Variants in CUL9 observed in about 807,000 individuals in gnomAD.
The protein encoded by CUL9 is cullin-9.
In CUL9, 79 loss-of-function variants were observed where a neutral mutation model predicts 272.6. That is an observed-to-expected ratio of 0.29 (90% confidence interval 0.24 to 0.35). The LOEUF (loss-of-function observed/expected upper bound fraction) is 0.35. Among genes scored for constraint, CUL9 ranks in the 10% least tolerant of loss-of-function variants. The pLI, the probability that CUL9 is intolerant of heterozygous loss-of-function variation, is 1.00. For synonymous variants in CUL9, 1,186 were observed against 1,286.5 expected (o/e 0.92, Z 1.67); for missense variants, 2,532 against 3,255.6 (o/e 0.78, Z 5.41).
At chr6:43,201,076 G>A (rs1249210922) in intron 16 of CUL9, among the ~76,000 whole-genome samples, 2 of 152,218 alleles carry the variant, frequency 1.3e-5, no homozygotes, top group Non-Finnish European at 2.9e-5. Flanking sequence ...TAGTGTTGAG[G>A]GAGATAAACA....
rs1775023982 is a variant in CUL9 at position 43,206,094 on chromosome 6, C to T, written c.4881C>T (p.Asn1627=). The T allele has an allele frequency of 2.5e-6, 4 of 1,614,078 alleles. No homozygotes were observed. Among genetic ancestry groups the T allele is most frequent in the Admixed American group, 1.7e-5 (1 of 60,006 alleles). The change falls in exon 25 of 41, where the codon AAC becomes AAT. Residue 1627 remains asparagine, a synonymous_variant. Coordinates refer to ENST00000252050, the MANE Select transcript of CUL9 (RefSeq NM_015089.4). The surrounding 1 kb of genome is among the most constrained non-coding windows in gnomAD (Gnocchi z 4.8). ...AGCAGATTGGCCTCTGTTTTCCCAA[C>T]CGCCTCCCACAGCTGATGCTGCAGA... The part of the protein sequence containing the change: ...VLEQIGLCFP[N]RLPQLMLQSL...
Position 43,190,178 on chromosome 6 carries a change from A to G in CUL9, c.2180+1463A>G, listed in dbSNP as rs145186711. Among the ~76,000 whole-genome samples, 332 of 152,260 alleles carry G rather than the reference A, an allele frequency of 2.2e-3. 1 individual carries two copies. The highest frequency in any genetic ancestry group is 7.3e-3 in the African/African-American group (305 of 41,546). On this transcript the variant is annotated intron_variant, in intron 8 of 40. Transcript: ENST00000252050. ...CGTCTGTTTTTCCTTACGTCTGCCA[A>G]CACTGAATATTGTCGTCTTTTTTAA...
chr6:43,223,419 T>C lies in CUL9; in HGVS notation c.7284+22T>C. 6.4e-7 allele frequency: 1 copy of C among 1,574,442 alleles called. No individual in the cohort carries two copies. The highest frequency in any genetic ancestry group is 8.6e-7 in the Non-Finnish European group (1 of 1,156,902). On this transcript the variant is annotated intron_variant, in intron 39 of 40. Coordinates refer to ENST00000252050, the MANE Select transcript of CUL9 (RefSeq NM_015089.4). This position sits in a 1 kb window ranked among gnomAD's most constrained non-coding sequence, Gnocchi z 4.1. The stretch of plus-strand genomic sequence containing the variant: ...CCAGGTACTGCCCGGCCCAGACCCC[T>C]TCTGCTCCTGCATTCTGCGGGAGTT...
chr6:43,202,884 G>T, intron 17 of CUL9, 63 bp downstream of exon 17: 1 of 1,495,310 alleles, frequency 6.7e-7, no homozygotes, highest in South Asian at 1.1e-5. Flanking sequence ...CAGTGCCTGT[G>T]GGAAGGACCT....
rs1774578495 is a variant in CUL9 at position 43,201,686 on chromosome 6, A to G, written c.3647+852A>G. 2.0e-5 allele frequency among the ~76,000 whole-genome samples: 3 copies of G among 152,104 alleles called. 1 individual carries two copies. Among genetic ancestry groups the G allele is most frequent in the Admixed American group, 2.0e-4 (3 of 15,260 alleles). On this transcript the variant is annotated intron_variant, in intron 16 of 40. Coordinates refer to ENST00000252050, the MANE Select transcript of CUL9 (RefSeq NM_015089.4). ...AGTAGAGACGGGGTTTCACCGTGTT[A>G]GTCAGGATGGTCTCGATCTCCTGAC...
In CUL9 at chr6:43,203,187, A is replaced by G. The variant is rs750847426; in HGVS notation, c.3832A>G (p.Ile1278Val). The G allele has an allele frequency of 2.4e-5, 38 of 1,614,152 alleles. No individual in the cohort carries two copies. Among genetic ancestry groups the G allele is most frequent in the Non-Finnish European group, 3.2e-5 (38 of 1,180,020 alleles). Residue 1278 changes from isoleucine (I) to valine (V), a missense_variant, in exon 18 of 41, where the codon ATA (isoleucine) becomes GTA (valine). Ile to Val is a conservative substitution (Grantham distance 29). Coordinates refer to ENST00000252050, the MANE Select transcript of CUL9 (RefSeq NM_015089.4). This position sits in a 1 kb window ranked among gnomAD's most constrained non-coding sequence, Gnocchi z 5.0. Reference sequence around the variant, plus strand: ...CTTCTGGCCCATCATCCAGATCCGCATAAAGCGCTGCCAGCAGGTGGTGTT... The same window carrying G: ...CTTCTGGCCCATCATCCAGATCCGCGTAAAGCGCTGCCAGCAGGTGGTGTT... Reference protein sequence around the residue: ...NRFWPIIQIRIKRCQQGGIDT... With the variant: ...NRFWPIIQIRVKRCQQGGIDT...
rs1014125735 is a variant in CUL9 at position 43,200,948 on chromosome 6, A to G, written c.3647+114A>G. ...ATGCCTGAGGGACACACTCAAACCT[A>G]TTTTGTGCAGTGAACACATAGACAC... On this transcript the variant is annotated intron_variant, in intron 16 of 40. Transcript: ENST00000252050. The surrounding 1 kb of genome is among the most constrained non-coding windows in gnomAD (Gnocchi z 4.0). 2 of 1,356,780 alleles carry G rather than the reference A, an allele frequency of 1.5e-6. No homozygotes were observed. The highest frequency in any genetic ancestry group is 1.8e-5 in the Admixed American group (1 of 55,548). The allele number at this position is 1,356,780 out of a possible 1,614,324, so 84.0% of individuals were successfully genotyped here.
At position 43,206,434 on chromosome 6, in the gene CUL9, C is replaced by T; in HGVS notation, c.5136C>T (p.Tyr1712=). Residue 1712 remains tyrosine (Y), a synonymous_variant, in exon 26 of 41, where the codon TAC becomes TAT. Transcript: ENST00000252050. The surrounding 1 kb of genome is among the most constrained non-coding windows in gnomAD (Gnocchi z 4.8). ...GCTGGCCCGTCTCCCCACTCTGCTA[C>T]CTGTACCATCCCAGAAAGTGCCTTC... is the stretch of plus-strand genomic sequence containing the variant. ...PRCWPVSPLC[Y]LYHPRKCLPT... is the part of the protein sequence containing the mutation. 1 of 1,614,226 alleles carries T rather than the reference C, an allele frequency of 6.2e-7. No homozygotes were observed. Among genetic ancestry groups the T allele is most frequent in the Non-Finnish European group, 8.5e-7 (1 of 1,180,046 alleles).
At chr6:43,216,572 T>A in intron 31 of CUL9, 69 bp downstream of exon 31, 3 of 1,426,338 alleles carry the variant, frequency 2.1e-6, no homozygotes, top group Middle Eastern at 1.9e-4. Context: ...CCTTGGGAAT[T>A]CTTGGGTTCT....
chr6:43,204,636 C>T, intron 21 of CUL9, 97 bp downstream of exon 21: 2 of 1,579,854 alleles, frequency 1.3e-6, no homozygotes, highest in Non-Finnish European at 1.7e-6. Context: ...TTGCTACCGG[C>T]CTTTCCAGGC....
chr6:43,191,349 G>T (rs1338046655), intron 8 of CUL9, among the ~76,000 whole-genome samples: 2 of 148,682 alleles, frequency 1.3e-5, no homozygotes, highest in African/African-American at 5.0e-5. Flanking sequence ...GTCTCAGTCT[G>T]TTGACCGGGC....
intron 26 of CUL9, among the ~76,000 whole-genome samples, chr6:43,208,744 G>C (rs1164999258): frequency 6.6e-6 from 1 of 152,168 alleles, no homozygotes; most frequent in Non-Finnish European, 1.5e-5. Flanking sequence ...TGCATGGAGA[G>C]AAGTTCTTAA....
rs1776387368 is a variant in CUL9 at position 43,221,787 on chromosome 6, C to T, written c.6846+9C>T. ...ACAACTGCTCTGCCATGGTAAGGCG[C>T]TGGGCACTAGGGGAGGGCAGAGGCC... is the stretch of plus-strand genomic sequence containing the variant. On this transcript the variant is annotated intron_variant, in intron 35 of 40. Coordinates refer to ENST00000252050, the MANE Select transcript of CUL9 (RefSeq NM_015089.4). The surrounding 1 kb of genome is among the most constrained non-coding windows in gnomAD (Gnocchi z 4.2). 1 of 1,609,920 alleles carries T rather than the reference C, an allele frequency of 6.2e-7. No homozygotes were observed. The highest frequency in any genetic ancestry group is 1.3e-5 in the African/African-American group (1 of 75,048).
chr6:43,200,002 G>A lies in CUL9; in HGVS notation c.3230G>A (p.Cys1077Tyr), dbSNP rs1242193941. 1.2e-5 allele frequency: 19 copies of A among 1,614,094 alleles called. No homozygotes were observed. Among genetic ancestry groups the A allele is most frequent in the African/African-American group, 2.7e-5 (2 of 74,936 alleles). Residue 1077 changes from cysteine (C) to tyrosine (Y), a missense_variant, in exon 14 of 41, where the codon TGC becomes TAC. Transcript: ENST00000252050. The surrounding 1 kb of genome is among the most constrained non-coding windows in gnomAD (Gnocchi z 4.0). ...MHKDYAVVLC[C>Y]LGAKEILSKV... Reference sequence around the variant, plus strand: ...AAGGACTATGCTGTGGTGCTCTGCTGCCTGGGAGCAAAAGAGATCCTCTCC... The same window carrying A: ...AAGGACTATGCTGTGGTGCTCTGCTACCTGGGAGCAAAAGAGATCCTCTCC...
chr6:43,221,850 G>A lies in CUL9; in HGVS notation c.6846+72G>A. The A allele has an allele frequency of 7.7e-7, 1 of 1,303,358 alleles. No homozygotes were observed. The highest frequency in any genetic ancestry group is 1.1e-6 in the Non-Finnish European group (1 of 922,024). 80.7% of individuals were successfully genotyped at this position (1,303,358 alleles called of 1,614,324 possible). ...GGAGGGGTGCTGCTACCAGGTCCTG[G>A]GCAGACAGGGCTCCTTGTGCAGTGC... On this transcript the variant is annotated intron_variant, in intron 35 of 40. Transcript: ENST00000252050. The surrounding 1 kb of genome is among the most constrained non-coding windows in gnomAD (Gnocchi z 4.2).
Position 43,188,564 on chromosome 6 carries a change from C to G in CUL9, c.2029C>G (p.Leu677Val), listed in dbSNP as rs980334152. Residue 677 changes from leucine (L) to valine (V), a missense_variant, in exon 8 of 41, where the codon CTG becomes GTG. Physicochemically the swap from Leu to Val is conservative, Grantham distance 32 (BLOSUM62 1). This residue lies in a region of CUL9 where 2,218 missense variants were observed against 2,788.6 expected (regional missense o/e 0.80). Coordinates refer to ENST00000252050, the MANE Select transcript of CUL9 (RefSeq NM_015089.4). ...ALRGPGPRSS[L>V]DQHVAAVVAT... is the part of the protein sequence containing the mutation. Reference sequence around the variant, plus strand: ...GCGGGGTCCCGGTCCTCGCAGCTCCCTGGATCAGCATGTGGCAGCGGTCGT... The same window carrying G: ...GCGGGGTCCCGGTCCTCGCAGCTCCGTGGATCAGCATGTGGCAGCGGTCGT... The G allele has an allele frequency of 1.2e-6, 2 of 1,613,812 alleles. No individual in the cohort carries two copies. Among genetic ancestry groups the G allele is most frequent in the African/African-American group, 2.7e-5 (2 of 74,926 alleles).
Position 43,220,730 on chromosome 6 carries a change from C to G in CUL9, c.6424-17C>G. 1 of 1,609,878 alleles carries G rather than the reference C, an allele frequency of 6.2e-7. No individual in the cohort carries two copies. The highest frequency in any genetic ancestry group is 8.5e-7 in the Non-Finnish European group (1 of 1,178,248). On this transcript the variant is annotated splice_polypyrimidine_tract_variant and intron_variant, in intron 32 of 40. Transcript: ENST00000252050. The surrounding 1 kb of genome is among the most constrained non-coding windows in gnomAD (Gnocchi z 4.9). ...GGAGAGCCATACCCTCACCTCGTGGCACCTGCGTCTCCACAGTATGAGAAG... is the reference window on the plus strand; with the variant it reads ...GGAGAGCCATACCCTCACCTCGTGGGACCTGCGTCTCCACAGTATGAGAAG...
chr6:43,188,417 G>A (rs961609595), intron 7 of CUL9, 106 bp from the exon 8 acceptor site: 36 of 1,129,388 alleles, frequency 3.2e-5, no homozygotes, highest in Non-Finnish European at 4.4e-5. Flanking sequence ...TGCAGTAGCC[G>A]ATAATGTGTT....
Position 43,222,451 on chromosome 6 carries a change from A to AG in CUL9, c.6921+67dup, listed in dbSNP as rs1206306209. On this transcript the variant is annotated intron_variant, in intron 36 of 40. Transcript: ENST00000252050. Reference sequence around the variant, plus strand: ...GAAGCAGGTTGGGGTGGTGGGGTGGAGGGGGGTGGGCTGAAGGTCTGACCG... The same window carrying AG: ...GAAGCAGGTTGGGGTGGTGGGGTGGAGGGGGGGTGGGCTGAAGGTCTGACCG... The AG allele has an allele frequency of 1.8e-5, 9 of 490,812 alleles. No individual in the cohort carries two copies. In the African/African-American group the frequency reaches 2.8e-4, roughly 15 times the overall value. The allele number at this position is 490,812 out of a possible 1,614,324, so 30.4% of individuals were successfully genotyped here.
Sources: allele counts gnomAD v4.1 joint callset (sites outside exome capture counted in the v4.1 genomes callset), GRCh38; gene constraint gnomAD v4.1.1; regional missense constraint gnomAD v4.1.1; non-coding constraint Gnocchi (gnomAD v3.1); transcripts MANE v1.5; gene names NCBI Gene and HGNC (gene_info 2026-07-23, HGNC 2026-07-21).